CIPC: variants seen among roughly 807,000 people sequenced by gnomAD.
CIPC encodes the protein CLOCK-interacting pacemaker.
CIPC carries 12 observed loss-of-function variants against 26.7 expected under a neutral mutation model. That is an observed-to-expected ratio of 0.45 (90% CI 0.29 to 0.73). The LOEUF is 0.73. CIPC is among the 30% of genes least tolerant of loss of function. The pLI, the probability that CIPC is intolerant of heterozygous loss-of-function variation, is 0.12. For synonymous variants in CIPC, 170 were observed against 189.8 expected, an observed-to-expected ratio of 0.90 and a Z score of 0.86; for missense variants, 417 against 486.5, an observed-to-expected ratio of 0.86 and a Z score of 1.34.
In CIPC at chr14:77,109,792, A is replaced by T; in HGVS notation, c.137-20A>T. The T allele has an allele frequency of 6.2e-7, 1 of 1,603,282 alleles. No individual in the cohort carries two copies. Among genetic ancestry groups the T allele is most frequent in the Non-Finnish European group, 8.5e-7 (1 of 1,172,094 alleles). ...CCTAGTCTAGAGCCTGAGTGAGTTG[A>T]CCATTCTTCTGCCCACCAGATGGGA... On this transcript the variant is annotated intron_variant, in intron 2 of 3. Transcript: ENST00000361786.
At chr14:77,102,032 G>C (rs1179861422) in intron 1 of CIPC, among the ~76,000 whole-genome samples, 4 of 152,196 alleles carry the variant, frequency 2.6e-5, no homozygotes, top group Non-Finnish European at 5.9e-5. Context: ...TCTGCAGTTA[G>C]CTGTGATCGT....
At chr14:77,099,919 G>T (rs1276090987) in intron 1 of CIPC, 1 of 152,190 alleles carries the variant, frequency 6.6e-6, no homozygotes, top group African/African-American at 2.4e-5. Context: ...TAAGGTGACC[G>T]TGGTGTTTGG....
Position 77,114,035 on chromosome 14 carries a change from T to C in CIPC, c.917T>C (p.Phe306Ser). Reference sequence around the variant, plus strand: ...CACCTCTGCCGCAGCCCAGATATCTTTTCAGAGCAGCGGCAGAGCAAACAT... The same window carrying C: ...CACCTCTGCCGCAGCCCAGATATCTCTTCAGAGCAGCGGCAGAGCAAACAT... ...AEHLCRSPDI[F>S]SEQRQSKHRR... The change falls in exon 4 of 4, where the codon TTT becomes TCT. Residue 306 changes from phenylalanine (F) to serine (S), a missense_variant. Transcript: ENST00000361786. 2 of 1,614,242 alleles carry C rather than the reference T, an allele frequency of 1.2e-6. No homozygotes were observed. Among genetic ancestry groups the C allele is most frequent in the Non-Finnish European group, 1.7e-6 (2 of 1,180,040 alleles).
intron 1 of CIPC, chr14:77,099,025 G>C (rs933050181): frequency 6.6e-6 from 1 of 152,658 alleles, no homozygotes; most frequent in African/African-American, 2.4e-5. Context: ...CCCTGTTATT[G>C]CTCAAGTCCT....
At chr14:77,112,547 C>A (rs1886724864) in intron 3 of CIPC, among the ~76,000 whole-genome samples, 1 of 152,096 alleles carries the variant, frequency 6.6e-6, no homozygotes, top group Non-Finnish European at 1.5e-5. Context: ...TTAAGTAACT[C>A]ATGTAAAACA....
intron 1 of CIPC, 117 bp from the exon 2 acceptor site, chr14:77,105,540 G>C (rs2111386): frequency 0.23 from 142,847 of 614,264 alleles, 18,232 homozygotes; most frequent in East Asian, 0.46. Flanking sequence ...TGAAACCTCT[G>C]AGAAAATAAA....
At chr14:77,107,180 G>A (rs776407284) in intron 2 of CIPC, among the ~76,000 whole-genome samples, 35 of 152,200 alleles carry the variant, frequency 2.3e-4, no homozygotes, top group African/African-American at 5.5e-4. Context: ...TCATGAATAC[G>A]TGCTCATTGT....
chr14:77,106,943 C>T (rs1010149531), intron 2 of CIPC, among the ~76,000 whole-genome samples: 2 of 152,174 alleles, frequency 1.3e-5, no homozygotes, highest in Non-Finnish European at 2.9e-5. Context: ...GCATTGTTTC[C>T]TAAGCCTGCC....
intron 1 of CIPC, chr14:77,098,594 C>T: frequency 6.6e-6 from 1 of 151,140 alleles, no homozygotes; most frequent in Non-Finnish European, 1.5e-5. Context: ...GAGGGGGCTG[C>T]GTGTGGGGAG....
In CIPC at chr14:77,115,676, C is replaced by T. The variant is rs1297352405; in HGVS notation, c.*1358C>T. The T allele has an allele frequency of 6.6e-6, 1 of 151,316 alleles. No homozygotes were observed. The highest frequency in any genetic ancestry group is 1.9e-4 in the East Asian group (1 of 5,158). 9.4% of individuals were successfully genotyped at this position (151,316 alleles called of 1,614,324 possible). On this transcript the variant is annotated 3_prime_UTR_variant, in exon 4 of 4. Coordinates refer to ENST00000361786, the MANE Select transcript of CIPC (RefSeq NM_033426.3). ...ATTATCTTAATAAGTTCTATATGGT[C>T]AGCTTCATCTTCCTTTTTTTTTTTT...
chr14:77,099,837 C>T (rs1332493541), intron 1 of CIPC: 1 of 152,112 alleles, frequency 6.6e-6, no homozygotes, highest in Non-Finnish European at 1.5e-5. Context: ...TTGTCCCTGA[C>T]GTTTCAACTT....
intron 1 of CIPC, among the ~76,000 whole-genome samples, chr14:77,104,437 A>G (rs1245296360): frequency 6.6e-6 from 1 of 152,218 alleles, no homozygotes; most frequent in African/African-American, 2.4e-5. Flanking sequence ...ACTTCTGGTT[A>G]AAATTCTTCC....
chr14:77,114,526 C>A lies in CIPC; in HGVS notation c.*208C>A. On this transcript the variant is annotated 3_prime_UTR_variant, in exon 4 of 4. Transcript: ENST00000361786. ...ACATATGTCCCCGTCCCACTGAGGA[C>A]CTCAGTTTGGGAGTGCCCTTGAGCC... The A allele has an allele frequency of 1.8e-6, 1 of 554,926 alleles. No individual in the cohort carries two copies. The highest frequency in any genetic ancestry group is 3.1e-6 in the Non-Finnish European group (1 of 317,810). The allele number at this position is 554,926 out of a possible 1,614,324, so 34.4% of individuals were successfully genotyped here. A position where few individuals can be genotyped will look rare whatever the true frequency, so the allele number is the denominator to read the frequency against.
intron 1 of CIPC, among the ~76,000 whole-genome samples, chr14:77,104,233 C>CA (rs1027357671): frequency 6.6e-6 from 1 of 152,062 alleles, no homozygotes; most frequent in African/African-American, 2.4e-5. Context: ...CTACAAAAAA[C>CA]AAAAAATTAG....
At chr14:77,102,346 G>C (rs1886507466) in intron 1 of CIPC, among the ~76,000 whole-genome samples, 1 of 152,082 alleles carries the variant, frequency 6.6e-6, no homozygotes, top group African/African-American at 2.4e-5. Context: ...CAGCCTGGGC[G>C]ACAGAGCAAG....
chr14:77,108,694 A>G (rs972564008), intron 2 of CIPC, among the ~76,000 whole-genome samples: 2 of 151,974 alleles, frequency 1.3e-5, no homozygotes, highest in African/African-American at 2.4e-5. Flanking sequence ...TCTGTCTCAA[A>G]AAAAAAAAGG....
At chr14:77,108,136 T>A (rs1886626608) in intron 2 of CIPC, among the ~76,000 whole-genome samples, 1 of 152,230 alleles carries the variant, frequency 6.6e-6, no homozygotes. Context: ...GTTGTTGATG[T>A]TGTATCCTTC....
intron 2 of CIPC, among the ~76,000 whole-genome samples, 162 bp from the exon 3 acceptor site, chr14:77,109,650 T>C (rs1289415561): frequency 6.6e-6 from 1 of 152,244 alleles, no homozygotes; most frequent in East Asian, 1.9e-4. Context: ...ATAGATCCCA[T>C]TGAAAAGCCA....
Position 77,101,911 on chromosome 14 carries a change from C to T in CIPC, c.-53+3550C>T, listed in dbSNP as rs144164809. ...GACCAGCTTGGGCAACATAGCAAGA[C>T]CCAGTCTCTACAAAAAATTTAAAAA... On this transcript the variant is annotated intron_variant, in intron 1 of 3. Coordinates refer to ENST00000361786, the MANE Select transcript of CIPC (RefSeq NM_033426.3). Among the ~76,000 whole-genome samples the T allele has an allele frequency of 6.6e-5, 10 of 152,168 alleles. No homozygotes were observed. In the East Asian group the frequency reaches 1.9e-3, roughly 29 times the overall value.
Sources: allele counts gnomAD v4.1 joint callset (sites outside exome capture counted in the v4.1 genomes callset), GRCh38; gene constraint gnomAD v4.1.1; transcripts MANE v1.5; gene names NCBI Gene and HGNC (gene_info 2026-07-23, HGNC 2026-07-21).